The following TTC28 variants were observed in gnomAD, a reference collection of about 807,000 sequenced individuals.
The protein encoded by TTC28 is tetratricopeptide repeat protein 28.
A neutral mutation model predicts 198.0 loss-of-function variants in TTC28; 61 were observed. The ratio of observed to expected loss-of-function variants is 0.31; its 90% confidence interval spans 0.25 to 0.38. The LOEUF is 0.38. TTC28 is among the 10% of genes least tolerant of loss of function. The probability of loss-of-function intolerance (pLI) is 1.00; values close to 1 mark genes in which losing one functional copy is unlikely to be tolerated. For synonymous variants in TTC28, 1,171 were observed against 1,297.8 expected, an observed-to-expected ratio of 0.90 and a Z score of 2.10; for missense variants, 2,678 against 3,164.0, an observed-to-expected ratio of 0.85 and a Z score of 3.69.
intron 1 of TTC28, among the ~76,000 whole-genome samples, chr22:28,670,928 T>C (rs1218865181): frequency 6.6e-6 from 1 of 152,100 alleles, no homozygotes; most frequent in Non-Finnish European, 1.5e-5. Context: ...CATTGTGGTT[T>C]TGATTGCATG....
At chr22:28,385,987 C>T (rs375023111) in intron 2 of TTC28, among the ~76,000 whole-genome samples, 1 of 152,168 alleles carries the variant, frequency 6.6e-6, no homozygotes, top group East Asian at 1.9e-4. Flanking sequence ...TATAAGAAGG[C>T]TTCACCAGGC....
intron 5 of TTC28, among the ~76,000 whole-genome samples, chr22:28,234,191 C>G (rs1929052054): frequency 6.6e-6 from 1 of 152,060 alleles, no homozygotes; most frequent in African/African-American, 2.4e-5. Context: ...CAGGCATGAG[C>G]CACCGCACCT....
At chr22:28,551,341 A>G (rs192192755) in intron 2 of TTC28, among the ~76,000 whole-genome samples, 8 of 152,286 alleles carry the variant, frequency 5.3e-5, no homozygotes, top group African/African-American at 2.4e-5. Context: ...ACTATTCCAA[A>G]AGATAGAGAA....
chr22:28,044,720 T>C (rs1939795677), intron 12 of TTC28, among the ~76,000 whole-genome samples: 1 of 152,218 alleles, frequency 6.6e-6, no homozygotes, highest in African/African-American at 2.4e-5. Context: ...TGAATTTTCT[T>C]AAAACAACAA....
At chr22:27,999,531 T>C in intron 15 of TTC28, 1 of 471,074 alleles carries the variant, frequency 2.1e-6, no homozygotes, top group Non-Finnish European at 3.8e-6. Context: ...GAGGCCTTGA[T>C]ATGACAGAGT....
intron 5 of TTC28, among the ~76,000 whole-genome samples, chr22:28,277,022 C>T (rs191530590): frequency 4.6e-5 from 7 of 152,158 alleles, no homozygotes; most frequent in Admixed American, 1.3e-4. Context: ...ACCACAAATT[C>T]TAACTAAAAT....
chr22:28,446,673 G>A (rs1023861006), intron 2 of TTC28, among the ~76,000 whole-genome samples: 3 of 152,134 alleles, frequency 2.0e-5, no homozygotes, highest in African/African-American at 4.8e-5. Flanking sequence ...GCAGATGTTG[G>A]TGCCATGCTT....
At chr22:28,573,185 G>T (rs2050090417) in intron 2 of TTC28, among the ~76,000 whole-genome samples, 1 of 151,096 alleles carries the variant, frequency 6.6e-6, no homozygotes, top group Admixed American at 6.6e-5. Flanking sequence ...GGCCAGGCGT[G>T]GGGGCTCATG....
chr22:28,662,322 C>T (rs1289948611), intron 1 of TTC28, among the ~76,000 whole-genome samples: 1 of 152,102 alleles, frequency 6.6e-6, no homozygotes, highest in East Asian at 1.9e-4. Context: ...TCACTATTTG[C>T]TTAGTGATCA....
chr22:28,230,005 T>C (rs1449729082), intron 5 of TTC28, among the ~76,000 whole-genome samples: 2 of 152,110 alleles, frequency 1.3e-5, no homozygotes, highest in Non-Finnish European at 2.9e-5. Flanking sequence ...CCAAGCAGAA[T>C]ATTTGAATAG....
chr22:28,040,002 T>A (rs910348164), intron 12 of TTC28, among the ~76,000 whole-genome samples: 2 of 152,160 alleles, frequency 1.3e-5, no homozygotes, highest in African/African-American at 4.8e-5. Context: ...ATGGATAAAT[T>A]CCTGGACACA....
At chr22:28,119,424 A>G (rs1476942481) in intron 6 of TTC28, among the ~76,000 whole-genome samples, 1 of 152,226 alleles carries the variant, frequency 6.6e-6, no homozygotes, top group Non-Finnish European at 1.5e-5. Context: ...GTAAGTATCA[A>G]AGGGAACTTG....
chr22:28,116,673 A>G (rs1263587119), intron 6 of TTC28, among the ~76,000 whole-genome samples: 1 of 152,228 alleles, frequency 6.6e-6, no homozygotes, highest in Non-Finnish European at 1.5e-5. Flanking sequence ...TATGAAAAAA[A>G]CATTTGTTTA....
intron 2 of TTC28, among the ~76,000 whole-genome samples, chr22:28,393,297 A>AC (rs1161819381): frequency 6.6e-6 from 1 of 152,082 alleles, no homozygotes; most frequent in Non-Finnish European, 1.5e-5. Context: ...CTACAGTACC[A>AC]CTTAGCTCAT....
At chr22:28,056,205 A>G (rs1940281619) in intron 12 of TTC28, 1 of 151,938 alleles carries the variant, frequency 6.6e-6, no homozygotes, top group African/African-American at 2.4e-5. Context: ...GCTATTCACT[A>G]TTCACAGGCA....
chr22:28,051,076 A>T (rs1032389798), intron 12 of TTC28, among the ~76,000 whole-genome samples: 1 of 152,210 alleles, frequency 6.6e-6, no homozygotes, highest in African/African-American at 2.4e-5. Flanking sequence ...TCAGGGTGTA[A>T]CCAAATGCTA....
chr22:28,598,660 C>A (rs2050584492), intron 2 of TTC28, among the ~76,000 whole-genome samples: 1 of 151,510 alleles, frequency 6.6e-6, no homozygotes, highest in Non-Finnish European at 1.5e-5. Flanking sequence ...TATATGGCAA[C>A]AATTTATGTC....
At chr22:28,224,761 C>T (rs556023816) in intron 5 of TTC28, among the ~76,000 whole-genome samples, 12 of 152,188 alleles carry the variant, frequency 7.9e-5, no homozygotes, top group African/African-American at 2.4e-4. Flanking sequence ...TCCTGAGGCC[C>T]CAGCTGAACT....
At chr22:28,273,319 A>G (rs1932211559) in intron 5 of TTC28, among the ~76,000 whole-genome samples, 1 of 152,204 alleles carries the variant, frequency 6.6e-6, no homozygotes, top group Admixed American at 6.5e-5. Context: ...AGAAAATATA[A>G]ATGAACCCAC....
Sources: gnomAD v4.1 joint callset for allele counts (sites outside exome capture counted in the v4.1 genomes callset) on GRCh38, gnomAD v4.1.1 for gene constraint, MANE v1.5 for transcripts, NCBI Gene and HGNC (gene_info 2026-07-23, HGNC 2026-07-21) for gene names.